CPS1: variants seen among roughly 807,000 people sequenced by gnomAD.
CPS1 encodes carbamoyl-phosphate synthase [ammonia], mitochondrial.
CPS1 carries 109 observed loss-of-function variants against 174.6 expected under a neutral mutation model. The ratio of observed to expected loss-of-function variants is 0.62; its 90% CI spans 0.53 to 0.73. The LOEUF (loss-of-function observed/expected upper bound fraction) is 0.73, where lower values mean the gene tolerates loss of function less well. Ranked by LOEUF, CPS1 falls within the 30% of genes least tolerant of loss-of-function variation. The pLI, the probability that CPS1 is intolerant of heterozygous loss-of-function variation, is 0.00. For missense variants in CPS1, 1,689 were observed against 1,821.9 expected (o/e 0.93, Z 1.33); for synonymous variants, 637 against 632.0 (o/e 1.01, Z -0.12).
chr2:210,636,864 G>A (rs1313266863), intron 21 of CPS1, among the ~76,000 whole-genome samples: 3 of 152,184 alleles, frequency 2.0e-5, no homozygotes, highest in South Asian at 2.1e-4. Context: ...TAAAGTCTAC[G>A]CTATGGAAAG....
intron 6 of CPS1, among the ~76,000 whole-genome samples, chr2:210,586,260 A>G (rs145323221): frequency 6.6e-6 from 1 of 152,094 alleles, no homozygotes; most frequent in Non-Finnish European, 1.5e-5. Context: ...TTGTTAAAGA[A>G]AATCAATTTT....
At chr2:210,576,611 T>G (rs1402625959) in intron 3 of CPS1, 121 bp downstream of exon 3, 1 of 1,058,816 alleles carries the variant, frequency 9.4e-7, no homozygotes, top group East Asian at 2.4e-5. Context: ...ATTAAGCTCA[T>G]GTATTCAATC....
intron 6 of CPS1, among the ~76,000 whole-genome samples, chr2:210,585,006 T>G (rs1425570003): frequency 6.6e-6 from 1 of 152,050 alleles, no homozygotes; most frequent in African/African-American, 2.4e-5. Context: ...TCATTGTTCC[T>G]TTGTGAAGCT....
chr2:210,594,154 A>G (rs73073577), intron 11 of CPS1, among the ~76,000 whole-genome samples: 2,368 of 151,996 alleles, frequency 0.016, 62 homozygotes, highest in African/African-American at 0.053. Context: ...CTAATTTTCT[A>G]TATCATAAGT....
intron 13 of CPS1, among the ~76,000 whole-genome samples, chr2:210,595,942 G>C (rs1267670077): frequency 2.0e-5 from 3 of 151,808 alleles, no homozygotes; most frequent in Non-Finnish European, 4.4e-5. Flanking sequence ...CATCTTTGGT[G>C]CTTTAAAGTA....
chr2:210,585,893 T>C (rs1316715615), intron 6 of CPS1, among the ~76,000 whole-genome samples: 1 of 151,680 alleles, frequency 6.6e-6, no homozygotes, highest in Non-Finnish European at 1.5e-5. Flanking sequence ...ACCTTGTCAT[T>C]GAGAGTCTTT....
At chr2:210,567,623 A>G (rs979891485) in intron 1 of CPS1, among the ~76,000 whole-genome samples, 1 of 152,162 alleles carries the variant, frequency 6.6e-6, no homozygotes, top group African/African-American at 2.4e-5. Context: ...GGTAATTATT[A>G]ATATTAATGA....
Position 210,612,133 on chromosome 2 carries a change from G to A in CPS1, c.2408G>A (p.Arg803His), listed in dbSNP as rs1406849327. 5.0e-6 allele frequency: 8 copies of A among 1,611,734 alleles called. No individual in the cohort carries two copies. Among genetic ancestry groups the A allele is most frequent in the Middle Eastern group, 3.3e-4 (2 of 6,040 alleles). Residue 803 changes from arginine to histidine, a missense_variant, in exon 20 of 38, where the codon CGT becomes CAT. Coordinates refer to ENST00000233072, the MANE Select transcript of CPS1 (RefSeq NM_001875.5). Reference protein sequence around the residue: ...KSVGEVMAIGRTFEESFQKAL... With the variant: ...KSVGEVMAIGHTFEESFQKAL... ...GTATTACAGGTCATGGCTATTGGTC[G>A]TACCTTTGAGGAGAGTTTCCAGAAA...
chr2:210,484,267 C>T (rs941317355), intron 1 of CPS1, among the ~76,000 whole-genome samples: 5 of 152,116 alleles, frequency 3.3e-5, no homozygotes, highest in Admixed American at 2.6e-4. Flanking sequence ...ATGAGTCAGG[C>T]AAAGTCACAG....
At chr2:210,528,529 G>C (rs2105997141) in intron 1 of CPS1, among the ~76,000 whole-genome samples, 1 of 151,960 alleles carries the variant, frequency 6.6e-6, no homozygotes, top group East Asian at 1.9e-4. Context: ...CAAAGAAAAG[G>C]TAATTTATTG....
chr2:210,505,449 G>C (rs1158739071), intron 1 of CPS1, among the ~76,000 whole-genome samples: 4 of 152,094 alleles, frequency 2.6e-5, no homozygotes, highest in African/African-American at 9.6e-5. Context: ...CCAGTCTACT[G>C]CTCCCGGCGT....
At chr2:210,547,782 C>T (rs940871657) in intron 1 of CPS1, among the ~76,000 whole-genome samples, 1 of 151,620 alleles carries the variant, frequency 6.6e-6, no homozygotes, top group Non-Finnish European at 1.5e-5. Context: ...ATCTGTTTAC[C>T]TGGAAAATGT....
intron 1 of CPS1, among the ~76,000 whole-genome samples, chr2:210,490,095 A>C (rs1266647848): frequency 6.6e-6 from 1 of 151,496 alleles, no homozygotes; most frequent in African/African-American, 2.4e-5. Flanking sequence ...AGAAAGAAAT[A>C]AACATATTTC....
At chr2:210,541,185 T>A (rs536420467) in intron 1 of CPS1, among the ~76,000 whole-genome samples, 3 of 152,284 alleles carry the variant, frequency 2.0e-5, no homozygotes, top group Admixed American at 2.0e-4. Flanking sequence ...ATTACAAGCA[T>A]CTTTATTGAG....
intron 1 of CPS1, among the ~76,000 whole-genome samples, chr2:210,572,990 T>C (rs1697565708): frequency 6.6e-6 from 1 of 152,056 alleles, no homozygotes; most frequent in Admixed American, 6.6e-5. Flanking sequence ...GACAGATACA[T>C]AACATTTCAG....
At position 210,564,476 on chromosome 2, in the gene CPS1, C is replaced by T. The variant is rs1049999569; in HGVS notation, c.126+7617C>T. Reference sequence around the variant, plus strand: ...CTGCAAGGTCCGCCTCCGGGGTTCACGCCATTCTCCTGCCTCAGCCTCCCG... The same window carrying T: ...CTGCAAGGTCCGCCTCCGGGGTTCATGCCATTCTCCTGCCTCAGCCTCCCG... On this transcript the variant is annotated intron_variant, in intron 1 of 37. Coordinates refer to ENST00000233072, the MANE Select transcript of CPS1 (RefSeq NM_001875.5). Among the ~76,000 whole-genome samples, 11 of 151,996 alleles carry T rather than the reference C, an allele frequency of 7.2e-5. No homozygotes were observed. The East Asian group carries it at 1.2e-3, about 16-fold the overall frequency.
intron 21 of CPS1, among the ~76,000 whole-genome samples, chr2:210,620,852 G>T (rs1340249338): frequency 1.3e-5 from 2 of 151,942 alleles, no homozygotes; most frequent in Admixed American, 1.3e-4. Flanking sequence ...TCTGAGATTT[G>T]GGCAGGGACA....
At chr2:210,547,850 G>C (rs956299914) in intron 1 of CPS1, among the ~76,000 whole-genome samples, 1 of 152,000 alleles carries the variant, frequency 6.6e-6, no homozygotes, top group Non-Finnish European at 1.5e-5. Context: ...CTTAGTTTCT[G>C]TTGGGAGTGG....
At chr2:210,522,257 T>C (rs1695846183) in intron 1 of CPS1, among the ~76,000 whole-genome samples, 1 of 152,028 alleles carries the variant, frequency 6.6e-6, no homozygotes, top group African/African-American at 2.4e-5. Flanking sequence ...TTTCTGCCAG[T>C]CAGTGTTTTA....
Sources: allele counts gnomAD v4.1 joint callset (sites outside exome capture counted in the v4.1 genomes callset), GRCh38; gene constraint gnomAD v4.1.1; transcripts MANE v1.5; gene names NCBI Gene and HGNC (gene_info 2026-07-23, HGNC 2026-07-21).